CPZ: variants seen among roughly 807,000 people sequenced by gnomAD.
CPZ encodes the protein carboxypeptidase Z.
A neutral mutation model predicts 61.8 loss-of-function variants in CPZ; 103 were observed. The observed-to-expected ratio is 1.67, with a 90% CI of 1.42 to 1.96. The LOEUF is 1.96. Among genes scored for constraint, CPZ ranks in the 30% most tolerant of loss-of-function variants. The pLI is 0.00. For missense variants in CPZ, 1,461 were observed against 914.9 expected, an observed-to-expected ratio of 1.60 and a Z score of -7.70; for synonymous variants, 551 against 373.7, an observed-to-expected ratio of 1.47 and a Z score of -5.47.
intron 3 of CPZ, chr4:8,602,076 T>G (rs1379940662): frequency 6.6e-6 from 1 of 152,450 alleles, no homozygotes; most frequent in Non-Finnish European, 1.5e-5. Context: ...GGAGAGGAGC[T>G]GTGGAGAAAT....
Position 8,601,351 on chromosome 4 carries a change from C to T in CPZ, c.350C>T (p.Pro117Leu), listed in dbSNP as rs1461342553. ...TGTGAGGGCGGCTGGGTGCGCAGAC[C>T]CTGCCGGCACATCTGCGAGGGCCTG... ...PRCEGGWVRR[P>L]CRHICEGLRE... Residue 117 changes from proline (P) to leucine (L), a missense_variant, in exon 3 of 11, where the codon CCC becomes CTC. Coordinates refer to ENST00000360986, the MANE Select transcript of CPZ (RefSeq NM_001014447.3). 6.2e-7 allele frequency: 1 copy of T among 1,604,296 alleles called. No homozygotes were observed. Among genetic ancestry groups the T allele is most frequent in the Non-Finnish European group, 8.5e-7 (1 of 1,173,274 alleles).
Position 8,601,196 on chromosome 4 carries a change from T to C in CPZ, c.195T>C (p.Leu65=). ...ACCACACCACCTTCCCCAACCTGCT[T>C]CAGCACCGGTCGTGGGAGGTGGTGG... The part of the protein sequence containing the change: ...AYNHTTFPNL[L]QHRSWEVVEA... The change falls in exon 3 of 11, where the codon CTT becomes CTC. Residue 65 remains leucine (L), a synonymous_variant. Transcript: ENST00000360986. 1 of 1,612,912 alleles carries C rather than the reference T, an allele frequency of 6.2e-7. No individual in the cohort carries two copies. The highest frequency in any genetic ancestry group is 1.1e-5 in the South Asian group (1 of 91,028).
intron 1 of CPZ, among the ~76,000 whole-genome samples, chr4:8,594,153 C>G (rs913368912): frequency 2.0e-4 from 30 of 152,358 alleles, no homozygotes; most frequent in African/African-American, 7.0e-4. Context: ...AGGTGCTGAG[C>G]ACAGCCGTGG....
At chr4:8,608,419 G>A (rs1327651493) in intron 7 of CPZ, among the ~76,000 whole-genome samples, 1 of 152,198 alleles carries the variant, frequency 6.6e-6, no homozygotes, top group South Asian at 2.1e-4. Context: ...CACATCGTTT[G>A]TTCTCCTTTC....
intron 1 of CPZ, among the ~76,000 whole-genome samples, chr4:8,596,653 G>A (rs1358507136): frequency 6.6e-6 from 1 of 151,904 alleles, no homozygotes; most frequent in African/African-American, 2.4e-5. Flanking sequence ...TGAGGTAGAC[G>A]TGATCCTTAT....
chr4:8,593,099 C>T (rs1052066693), intron 1 of CPZ, among the ~76,000 whole-genome samples, 178 bp downstream of exon 1: 1 of 152,174 alleles, frequency 6.6e-6, no homozygotes, highest in Non-Finnish European at 1.5e-5. Context: ...GTGACCTCTC[C>T]CCTGGACGGG....
At chr4:8,609,281 T>C (rs1251630514) in intron 7 of CPZ, among the ~76,000 whole-genome samples, 1 of 138,734 alleles carries the variant, frequency 7.2e-6, no homozygotes, top group African/African-American at 2.9e-5. Flanking sequence ...ATTCACACAC[T>C]AATTTTCTCA....
intron 8 of CPZ, among the ~76,000 whole-genome samples, chr4:8,613,539 C>T (rs1325980433): frequency 2.0e-5 from 3 of 152,204 alleles, no homozygotes; most frequent in African/African-American, 7.2e-5. Context: ...TGGGCAGGGA[C>T]TGTCAACAGC....
intron 4 of CPZ, among the ~76,000 whole-genome samples, chr4:8,604,447 T>C (rs1394945769): frequency 2.6e-5 from 4 of 152,262 alleles, no homozygotes; most frequent in Non-Finnish European, 5.9e-5. Flanking sequence ...GAGACATTGA[T>C]CTAGTGGCTG....
At position 8,606,011 on chromosome 4, in the gene CPZ, C is replaced by T. The variant is rs113873823; in HGVS notation, c.732C>T (p.Ile244=). Residue 244 remains isoleucine, a synonymous_variant, in exon 5 of 11, where the codon ATC becomes ATT. Transcript: ENST00000360986. ...CAGTGGAGCCCGAGGTGAAGCTCAT[C>T]GGCAACATTCATGGCAACGAGGTGG... ...HELMEPEVKL[I]GNIHGNEVAG... 4.5e-5 allele frequency: 72 copies of T among 1,613,794 alleles called. No homozygotes were observed. The East Asian group carries it at 5.6e-4, about 12-fold the overall frequency.
chr4:8,602,289 T>C (rs4696702), intron 3 of CPZ: 106,889 of 152,320 alleles, frequency 0.7, 37,821 homozygotes, highest in South Asian at 0.87. Context: ...TCCGCAGCAG[T>C]CCTGGCCCGT....
chr4:8,606,712 A>T, intron 5 of CPZ, 25 bp from the exon 6 acceptor site: 1 of 1,613,858 alleles, frequency 6.2e-7, no homozygotes, highest in Non-Finnish European at 8.5e-7. Flanking sequence ...GACCCCACCC[A>T]GTCGGGGGTT....
rs978507706 is a variant in CPZ, at chr4:8,619,313, T to A, written c.1655T>A (p.Ile552Asn). The change falls in exon 11 of 11, where the codon ATT becomes AAT. Residue 552 changes from isoleucine (I) to asparagine (N), a missense_variant. Coordinates refer to ENST00000360986, the MANE Select transcript of CPZ (RefSeq NM_001014447.3). ...RLLPPGIHIVIAQAPGYAKVI... is the reference protein window; with the variant it reads ...RLLPPGIHIVNAQAPGYAKVI... ...CTGCCCCCAGGTATCCACATTGTCA[T>A]TGCCCAAGCCCCTGGCTACGCCAAA... The A allele has an allele frequency of 3.7e-6, 6 of 1,613,896 alleles. No individual in the cohort carries two copies. The African/African-American group carries it at 6.7e-5, about 18-fold the overall frequency.
At chr4:8,594,576 G>T (rs1214866977) in intron 1 of CPZ, among the ~76,000 whole-genome samples, 1 of 152,152 alleles carries the variant, frequency 6.6e-6, no homozygotes, top group African/African-American at 2.4e-5. Flanking sequence ...GGAGGGGGAG[G>T]ACTGACGGGC....
intron 8 of CPZ, among the ~76,000 whole-genome samples, chr4:8,613,002 T>C (rs4696863): frequency 0.22 from 33,173 of 152,186 alleles, 4,446 homozygotes; most frequent in Non-Finnish European, 0.3. Flanking sequence ...CCTGTGATCT[T>C]TCCCTGGTGC....
At chr4:8,611,911 C>T in intron 7 of CPZ, 116 bp from the exon 8 acceptor site, 3 of 1,417,482 alleles carry the variant, frequency 2.1e-6, no homozygotes, top group South Asian at 2.5e-5. Context: ...ACACCATTCC[C>T]CTCTCCTATC....
At chr4:8,608,188 A>C (rs1356483215) in intron 7 of CPZ, among the ~76,000 whole-genome samples, 3 of 146,018 alleles carry the variant, frequency 2.1e-5, no homozygotes, top group African/African-American at 7.5e-5. Context: ...TAGCTGCCTG[A>C]ACTGCCCCTA....
chr4:8,607,295 A>G lies in CPZ; in HGVS notation c.1097A>G (p.Lys366Arg). 1.2e-6 allele frequency: 2 copies of G among 1,614,060 alleles called. No individual in the cohort carries two copies. The highest frequency in any genetic ancestry group is 1.7e-6 in the Non-Finnish European group (2 of 1,179,944). Residue 366 changes from lysine (K) to arginine (R), a missense_variant, in exon 7 of 11, where the codon AAG becomes AGG. Lys to Arg is a conservative substitution (Grantham distance 26). Coordinates refer to ENST00000360986, the MANE Select transcript of CPZ (RefSeq NM_001014447.3). ...GCCCCGGAGACAAAGGCAATCATGAAGTGGATGCAGACCATACCCTTTGTG... is the reference window on the plus strand; with the variant it reads ...GCCCCGGAGACAAAGGCAATCATGAGGTGGATGCAGACCATACCCTTTGTG... The part of the protein sequence containing the change: ...KVAPETKAIM[K>R]WMQTIPFVLS...
chr4:8,613,235 G>C (rs6858613), intron 8 of CPZ, among the ~76,000 whole-genome samples: 3 of 150,938 alleles, frequency 2.0e-5, no homozygotes, highest in Non-Finnish European at 3.0e-5. Context: ...GGGTTCAAGC[G>C]ATTCTCCTGC....
Sources: gnomAD v4.1 joint callset for allele counts (sites outside exome capture counted in the v4.1 genomes callset) on GRCh38, gnomAD v4.1.1 for gene constraint, MANE v1.5 for transcripts, NCBI Gene and HGNC (gene_info 2026-07-23, HGNC 2026-07-21) for gene names.